Variants in CDH13 observed in about 807,000 individuals in gnomAD.
The protein encoded by CDH13 is cadherin 13, also known as cadherin-13.
In CDH13, 24 loss-of-function variants were observed where a neutral mutation model predicts 63.8. The observed-to-expected ratio is 0.38, with a 90% CI of 0.27 to 0.53. The LOEUF (loss-of-function observed/expected upper bound fraction) is 0.53, where lower values mean the gene tolerates loss of function less well. Among genes scored for constraint, CDH13 ranks in the 20% least tolerant of loss-of-function variants. The probability of loss-of-function intolerance (pLI) is 0.85; values close to 1 mark genes in which losing one functional copy is unlikely to be tolerated. For synonymous variants in CDH13, 503 were observed against 355.3 expected (o/e 1.42, Z -4.67); for missense variants, 1,049 against 903.1 (o/e 1.16, Z -2.07).
chr16:83,389,261 G>C (rs1278226458), intron 6 of CDH13, among the ~76,000 whole-genome samples: 1 of 152,142 alleles, frequency 6.6e-6, no homozygotes, highest in Admixed American at 6.5e-5. Context: ...AATTGCCATA[G>C]TTGTTATTTT....
At chr16:83,447,406 A>G (rs970414528) in intron 6 of CDH13, among the ~76,000 whole-genome samples, 4 of 151,800 alleles carry the variant, frequency 2.6e-5, no homozygotes, top group African/African-American at 9.7e-5. Flanking sequence ...CAAGAGCTAG[A>G]CTCCATCCCA....
At chr16:83,483,779 C>G (rs892682521) in intron 6 of CDH13, among the ~76,000 whole-genome samples, 22 of 152,110 alleles carry the variant, frequency 1.4e-4, no homozygotes, top group Non-Finnish European at 2.9e-4. Flanking sequence ...TGGGGATATC[C>G]TTAAGTTTGC....
At chr16:83,444,133 G>T (rs2072590246) in intron 6 of CDH13, among the ~76,000 whole-genome samples, 1 of 143,752 alleles carries the variant, frequency 7.0e-6, no homozygotes, top group South Asian at 2.1e-4. Context: ...CAACAATGAA[G>T]ATGTGGCTGC....
chr16:83,275,678 C>T (rs1392934030), intron 5 of CDH13, among the ~76,000 whole-genome samples: 1 of 151,674 alleles, frequency 6.6e-6, no homozygotes, highest in East Asian at 1.9e-4. Flanking sequence ...TAAGGGGGGG[C>T]CTGCTTTGTC....
At chr16:82,818,844 A>G (rs2037856680) in intron 1 of CDH13, among the ~76,000 whole-genome samples, 2 of 152,204 alleles carry the variant, frequency 1.3e-5, no homozygotes, top group South Asian at 4.1e-4. Context: ...GTCTGCTGTT[A>G]GTGGTGTCAT....
chr16:83,318,413 C>G (rs1186222312), intron 5 of CDH13, among the ~76,000 whole-genome samples: 1 of 152,200 alleles, frequency 6.6e-6, no homozygotes, highest in Non-Finnish European at 1.5e-5. Context: ...ACTGAATTAT[C>G]TGTTTTTCTT....
At chr16:83,667,507 C>A (rs536111574) in intron 8 of CDH13, among the ~76,000 whole-genome samples, 9 of 152,110 alleles carry the variant, frequency 5.9e-5, no homozygotes, top group Admixed American at 2.0e-4. Context: ...CATCTTCAGA[C>A]CTGCTCATGT....
chr16:83,110,669 A>G (rs1438198086), intron 3 of CDH13, among the ~76,000 whole-genome samples: 1 of 152,140 alleles, frequency 6.6e-6, no homozygotes, highest in Non-Finnish European at 1.5e-5. Context: ...GTAGTATGGT[A>G]ATACAGATAG....
intron 1 of CDH13, among the ~76,000 whole-genome samples, chr16:82,764,713 A>G (rs2325687): frequency 0.21 from 31,219 of 152,154 alleles, 3,647 homozygotes; most frequent in East Asian, 0.5. Flanking sequence ...ACACAAATTC[A>G]GGAGGTAATT....
chr16:83,033,651 C>G (rs993692755), intron 3 of CDH13, among the ~76,000 whole-genome samples: 1 of 152,188 alleles, frequency 6.6e-6, no homozygotes, highest in South Asian at 2.1e-4. Flanking sequence ...GATCCCTGCA[C>G]TCCCACACAT....
At chr16:83,552,193 A>G (rs1214284522) in intron 7 of CDH13, among the ~76,000 whole-genome samples, 1 of 152,130 alleles carries the variant, frequency 6.6e-6, no homozygotes, top group African/African-American at 2.4e-5. Context: ...TCAGGGTGTG[A>G]TCTAGAAAGG....
At chr16:82,723,591 A>G (rs2032915691) in intron 1 of CDH13, among the ~76,000 whole-genome samples, 1 of 152,162 alleles carries the variant, frequency 6.6e-6, no homozygotes, top group Non-Finnish European at 1.5e-5. Flanking sequence ...TGGAGCCACA[A>G]GATGGAAAGA....
chr16:82,719,750 A>G (rs947065045), intron 1 of CDH13, among the ~76,000 whole-genome samples: 1 of 151,250 alleles, frequency 6.6e-6, no homozygotes, highest in African/African-American at 2.4e-5. Context: ...GGAGGCTGAA[A>G]CAGGAGAATC....
chr16:82,886,388 GTGTA>G (rs2151213974), intron 2 of CDH13, among the ~76,000 whole-genome samples: 1 of 152,290 alleles, frequency 6.6e-6, no homozygotes, highest in South Asian at 2.1e-4. Flanking sequence ...ACTATTGCCA[GTGTA>G]TGTGTTATCA....
chr16:83,111,103 C>A (rs1326728334), intron 3 of CDH13, among the ~76,000 whole-genome samples: 1 of 150,692 alleles, frequency 6.6e-6, no homozygotes, highest in Non-Finnish European at 1.5e-5. Context: ...ACCCGGGAGG[C>A]GGAGCTTGCA....
intron 5 of CDH13, among the ~76,000 whole-genome samples, chr16:83,246,646 C>T (rs957624108): frequency 1.3e-5 from 2 of 152,168 alleles, no homozygotes; most frequent in Admixed American, 6.6e-5. Flanking sequence ...TGGTTTTCTT[C>T]TGACTGTCAT....
intron 13 of CDH13, among the ~76,000 whole-genome samples, chr16:83,790,834 T>C (rs1370267589): frequency 1.3e-5 from 2 of 152,368 alleles, no homozygotes; most frequent in East Asian, 1.9e-4. Flanking sequence ...ACGACTTTTA[T>C]GGTATGGCAA....
intron 7 of CDH13, among the ~76,000 whole-genome samples, chr16:83,498,413 C>T (rs1052834179): frequency 6.6e-6 from 1 of 152,336 alleles, no homozygotes; most frequent in Non-Finnish European, 1.5e-5. Context: ...AGGCTTGGGA[C>T]ATTTTCCTGA....
intron 5 of CDH13, among the ~76,000 whole-genome samples, chr16:83,244,766 G>A (rs550675824): frequency 8.5e-5 from 13 of 152,148 alleles, no homozygotes; most frequent in Non-Finnish European, 1.9e-4. Context: ...AGTCACACGG[G>A]ACACACTTAA....
Sources: gnomAD v4.1 joint callset for allele counts (sites outside exome capture counted in the v4.1 genomes callset) on GRCh38, gnomAD v4.1.1 for gene constraint, MANE v1.5 for transcripts, NCBI Gene and HGNC (gene_info 2026-07-23, HGNC 2026-07-21) for gene names.